The following ROCK2 variants were observed in gnomAD, a reference collection of about 807,000 sequenced individuals.
The protein encoded by ROCK2 is rho-associated protein kinase 2.
In ROCK2, 61 loss-of-function variants were observed where a neutral mutation model predicts 195.1. The ratio of observed to expected loss-of-function variants is 0.31; its 90% CI spans 0.25 to 0.39. The LOEUF (loss-of-function observed/expected upper bound fraction) is 0.39, where lower values mean the gene tolerates loss of function less well. Among genes scored for constraint, ROCK2 ranks in the 10% least tolerant of loss-of-function variants. The pLI is 1.00. For synonymous variants in ROCK2, 504 were observed against 545.5 expected, an observed-to-expected ratio of 0.92 and a Z score of 1.06; for missense variants, 1,109 against 1,637.4, an observed-to-expected ratio of 0.68 and a Z score of 5.57.
chr2:11,315,069 C>T (rs1219241320), intron 1 of ROCK2, among the ~76,000 whole-genome samples: 1 of 151,818 alleles, frequency 6.6e-6, no homozygotes, highest in African/African-American at 2.4e-5. Flanking sequence ...ACTTTATAAC[C>T]TTTCTCAATG....
At chr2:11,332,632 T>C (rs144858346) in intron 1 of ROCK2, among the ~76,000 whole-genome samples, 2 of 152,244 alleles carry the variant, frequency 1.3e-5, no homozygotes, top group Admixed American at 6.5e-5. Context: ...GGAACCCTTA[T>C]ACATTTCTAG....
intron 3 of ROCK2, among the ~76,000 whole-genome samples, chr2:11,258,756 A>C (rs1280059280): frequency 6.6e-6 from 1 of 151,178 alleles, no homozygotes; most frequent in African/African-American, 2.5e-5. Flanking sequence ...TGACTGGAGA[A>C]GGAGCTGTGA....
chr2:11,257,734 A>G (rs1338785508), intron 3 of ROCK2, among the ~76,000 whole-genome samples: 1 of 151,440 alleles, frequency 6.6e-6, no homozygotes, highest in Non-Finnish European at 1.5e-5. Flanking sequence ...AAGCTCAGCC[A>G]GCATCTCAGG....
At chr2:11,261,061 A>G (rs1015628289) in intron 3 of ROCK2, among the ~76,000 whole-genome samples, 9 of 152,220 alleles carry the variant, frequency 5.9e-5, no homozygotes, top group Non-Finnish European at 8.8e-5. Flanking sequence ...ACAAAATCAT[A>G]TATCTGTAGG....
intron 1 of ROCK2, among the ~76,000 whole-genome samples, chr2:11,290,274 T>A (rs934605260): frequency 1.1e-4 from 16 of 152,140 alleles, no homozygotes; most frequent in African/African-American, 3.9e-4. Flanking sequence ...AAGTTTTAAG[T>A]GTCAGTGATT....
intron 1 of ROCK2, among the ~76,000 whole-genome samples, chr2:11,318,964 T>A (rs1179134506): frequency 6.6e-6 from 1 of 152,196 alleles, no homozygotes; most frequent in Admixed American, 6.5e-5. Context: ...TTGGTCTATA[T>A]CTCTGTTTTG....
intron 3 of ROCK2, among the ~76,000 whole-genome samples, chr2:11,265,364 G>A (rs866473104): frequency 2.6e-5 from 4 of 151,966 alleles, no homozygotes; most frequent in East Asian, 1.9e-4. Flanking sequence ...AAAATATAAC[G>A]TTGGCTTATT....
chr2:11,322,384 C>T (rs1668427808), intron 1 of ROCK2, among the ~76,000 whole-genome samples: 1 of 151,074 alleles, frequency 6.6e-6, no homozygotes, highest in Non-Finnish European at 1.5e-5. Flanking sequence ...GTATTTTATA[C>T]ATATATATTT....
chr2:11,268,670 C>A (rs1666513474), intron 3 of ROCK2, among the ~76,000 whole-genome samples: 1 of 152,036 alleles, frequency 6.6e-6, no homozygotes, highest in Non-Finnish European at 1.5e-5. Context: ...ATTGAAGATT[C>A]TTTGTATGTG....
At chr2:11,252,834 G>A (rs534386657) in intron 3 of ROCK2, among the ~76,000 whole-genome samples, 3 of 152,092 alleles carry the variant, frequency 2.0e-5, no homozygotes, top group East Asian at 1.9e-4. Context: ...ATAGCATTAG[G>A]AGAAATGTAG....
Position 11,286,588 on chromosome 2 carries a change from T to A in ROCK2, c.275A>T (p.Tyr92Phe), listed in dbSNP as rs575795682. The change falls in exon 3 of 33, where the codon TAT (tyrosine) becomes TTT (phenylalanine). Residue 92 changes from tyrosine to phenylalanine, a missense_variant. Around this residue, in one of 6 missense-constraint regions of ROCK2, gnomAD observed 253 missense variants for 455.5 expected, o/e 0.56. Coordinates refer to ENST00000315872, the MANE Select transcript of ROCK2 (RefSeq NM_004850.5). ...TCTTCCAATAACTTTTACAACATCA[T>A]AGTCTTCTGCCTTCATCTGTAGACC... ...IRGLQMKAED[Y>F]DVVKVIGRGA... 6 of 1,612,906 alleles carry A rather than the reference T, an allele frequency of 3.7e-6. No homozygotes were observed. The East Asian group carries it at 6.7e-5, about 18-fold the overall frequency.
intron 1 of ROCK2, among the ~76,000 whole-genome samples, chr2:11,317,627 T>TTTTTTTTAA (rs1192587957): frequency 9.5e-5 from 3 of 31,424 alleles, no homozygotes; most frequent in Admixed American, 5.9e-4. Flanking sequence ...TTTTTTTTTT[T>TTTTTTTTAA]AATTATACTT....
intron 3 of ROCK2, among the ~76,000 whole-genome samples, chr2:11,253,481 AC>A (rs1281671727): frequency 6.6e-6 from 1 of 152,252 alleles, no homozygotes; most frequent in African/African-American, 2.4e-5. Context: ...CCCTAACTGA[AC>A]TAAGAACTCA....
intron 3 of ROCK2, among the ~76,000 whole-genome samples, chr2:11,283,357 G>A (rs1242859549): frequency 6.6e-6 from 1 of 150,410 alleles, no homozygotes; most frequent in Non-Finnish European, 1.5e-5. Context: ...TCAGGAGATC[G>A]AGACCATCCT....
At chr2:11,333,120 T>C (rs1048237034) in intron 1 of ROCK2, among the ~76,000 whole-genome samples, 26 of 152,360 alleles carry the variant, frequency 1.7e-4, no homozygotes, top group African/African-American at 6.3e-4. Context: ...CATTATATTG[T>C]ACACTTACAA....
chr2:11,246,565 A>G (rs983795803), intron 4 of ROCK2, among the ~76,000 whole-genome samples: 6 of 152,192 alleles, frequency 3.9e-5, no homozygotes, highest in African/African-American at 1.4e-4. Context: ...GCAAATGAAT[A>G]AAAGTTTTTA....
chr2:11,228,102 T>C (rs904404098), intron 5 of ROCK2, among the ~76,000 whole-genome samples: 1 of 152,206 alleles, frequency 6.6e-6, no homozygotes, highest in Non-Finnish European at 1.5e-5. Flanking sequence ...GGGGTGTGTG[T>C]GTCTGCATGC....
At chr2:11,276,084 A>T (rs1666816696) in intron 3 of ROCK2, among the ~76,000 whole-genome samples, 1 of 152,242 alleles carries the variant, frequency 6.6e-6, no homozygotes, top group African/African-American at 2.4e-5. Flanking sequence ...TAAACTACAT[A>T]TGTGAAACAC....
chr2:11,286,898 T>C (rs1236903178), intron 2 of ROCK2, among the ~76,000 whole-genome samples: 1 of 152,194 alleles, frequency 6.6e-6, no homozygotes, highest in Non-Finnish European at 1.5e-5. Flanking sequence ...TCTGATTCTG[T>C]TGCTTAGCAA....
Sources: allele counts gnomAD v4.1 joint callset (sites outside exome capture counted in the v4.1 genomes callset), GRCh38; gene constraint gnomAD v4.1.1; regional missense constraint gnomAD v4.1.1; transcripts MANE v1.5; gene names NCBI Gene and HGNC (gene_info 2026-07-23, HGNC 2026-07-21).